PTPRC: variants seen among roughly 807,000 people sequenced by gnomAD.
PTPRC encodes the protein receptor-type tyrosine-protein phosphatase C.
A neutral mutation model predicts 155.9 loss-of-function variants in PTPRC; 44 were observed. The ratio of observed to expected loss-of-function variants is 0.28; its 90% confidence interval spans 0.22 to 0.36. PTPRC has a LOEUF of 0.36. PTPRC is among the 10% of genes least tolerant of loss of function. PTPRC has a pLI of 1.00. For missense variants in PTPRC, 1,401 were observed against 1,564.6 expected (o/e 0.90, Z 1.76); for synonymous variants, 525 against 533.1 (o/e 0.98, Z 0.21).
At position 198,749,493 on chromosome 1, in the gene PTPRC, G is replaced by A; in HGVS notation, c.3016G>A (p.Asp1006Asn). ...ESEHDSDESS[D>N]DDSDSEEPSK... ...TGAGCATGATTCAGATGAATCCTCTGATGATGACAGTGATTCAGAGGAACC... is the reference window on the plus strand; with the variant it reads ...TGAGCATGATTCAGATGAATCCTCTAATGATGACAGTGATTCAGAGGAACC... The change falls in exon 28 of 33, where the codon GAT becomes AAT. Residue 1006 changes from aspartate (D) to asparagine (N), a missense_variant. Asp to Asn is a conservative substitution (Grantham distance 23). Around this residue, in one of 3 missense-constraint regions of PTPRC, gnomAD observed 400 missense variants for 389.5 expected, o/e 1.03. Coordinates refer to ENST00000442510, the MANE Select transcript of PTPRC (RefSeq NM_002838.5). 1 of 1,610,558 alleles carries A rather than the reference G, an allele frequency of 6.2e-7. No homozygotes were observed. The highest frequency in any genetic ancestry group is 1.3e-5 in the African/African-American group (1 of 74,844).
chr1:198,731,613 C>G lies in PTPRC; in HGVS notation c.1865-4C>G. ...CTAGTATTGAATCTTTAATATGTTTCCAGATGATGAAAAACAACTGATGAA... is the reference window on the plus strand; with the variant it reads ...CTAGTATTGAATCTTTAATATGTTTGCAGATGATGAAAAACAACTGATGAA... On this transcript the variant is annotated splice_polypyrimidine_tract_variant and splice_region_variant and intron_variant, in intron 17 of 32. Coordinates refer to ENST00000442510, the MANE Select transcript of PTPRC (RefSeq NM_002838.5). The G allele has an allele frequency of 6.3e-7, 1 of 1,592,150 alleles. No individual in the cohort carries two copies. Among genetic ancestry groups the G allele is most frequent in the Non-Finnish European group, 8.6e-7 (1 of 1,160,800 alleles).
At chr1:198,742,067 A>AAAC (rs1558034487) in intron 24 of PTPRC, 41 bp downstream of exon 24, 2 of 1,607,720 alleles carry the variant, frequency 1.2e-6, no homozygotes, top group African/African-American at 1.3e-5. Context: ...CAACAAAAAA[A>AAAC]CTCCAACAGA....
At chr1:198,736,281 T>C (rs1224149576) in intron 23 of PTPRC, among the ~76,000 whole-genome samples, 1 of 151,648 alleles carries the variant, frequency 6.6e-6, no homozygotes, top group Non-Finnish European at 1.5e-5. Flanking sequence ...CAAGGTCTTA[T>C]TCATTTTATC....
At chr1:198,712,911 T>A (rs1008776351) in intron 11 of PTPRC, 42 bp from the exon 12 acceptor site, 1 of 1,571,142 alleles carries the variant, frequency 6.4e-7, no homozygotes, top group Admixed American at 1.7e-5. Flanking sequence ...TTTATCCATG[T>A]CTTATTTTTC....
chr1:198,734,863 A>G (rs1329575898), intron 22 of PTPRC, among the ~76,000 whole-genome samples: 2 of 151,658 alleles, frequency 1.3e-5, no homozygotes, highest in Non-Finnish European at 1.5e-5. Context: ...TTTGCTGACA[A>G]CTGATTATGT....
chr1:198,732,377 T>G lies in PTPRC; in HGVS notation c.2052T>G (p.Val684=), dbSNP rs745973005. ...KPFNQNKNRY[V]DILPYDYNRV... ...TTAACCAGAATAAAAACCGTTATGT[T>G]GACATTCTTCCTTGTGAGTATTTAT... Residue 684 remains valine, a synonymous_variant, in exon 19 of 33, where the codon GTT becomes GTG. Transcript: ENST00000442510. 1 of 1,611,748 alleles carries G rather than the reference T, an allele frequency of 6.2e-7. No individual in the cohort carries two copies. The highest frequency in any genetic ancestry group is 8.5e-7 in the Non-Finnish European group (1 of 1,178,262).
chr1:198,700,676 G>T (rs1666416388), intron 5 of PTPRC, among the ~76,000 whole-genome samples: 1 of 152,096 alleles, frequency 6.6e-6, no homozygotes, highest in African/African-American at 2.4e-5. Context: ...CAACAAAAGG[G>T]GACTGACCCC....
chr1:198,640,727 T>A (rs1662531071), intron 2 of PTPRC, among the ~76,000 whole-genome samples: 1 of 152,040 alleles, frequency 6.6e-6, no homozygotes, highest in African/African-American at 2.4e-5. Context: ...AAAAGCATTT[T>A]TAAATGAGCA....
At position 198,756,803 on chromosome 1, in the gene PTPRC, AT is replaced by A. The variant is rs1486757042; in HGVS notation, c.*623del. ...AACATTGGGAAATCTTATATTCCAT[AT>A]ATTAGCATTTAGTCCAATGTCTTTT... On this transcript the variant is annotated 3_prime_UTR_variant, in exon 33 of 33. Coordinates refer to ENST00000442510, the MANE Select transcript of PTPRC (RefSeq NM_002838.5). 2 of 152,042 alleles carry A rather than the reference AT, an allele frequency of 1.3e-5. No individual in the cohort carries two copies. Among genetic ancestry groups the A allele is most frequent in the African/African-American group, 4.8e-5 (2 of 41,444 alleles). The allele number at this position is 152,042 out of a possible 1,614,324, so 9.4% of individuals were successfully genotyped here. A position where few individuals can be genotyped will look rare whatever the true frequency, so the allele number is the denominator to read the frequency against.
chr1:198,753,036 T>C (rs958518084), intron 31 of PTPRC, among the ~76,000 whole-genome samples: 6 of 152,032 alleles, frequency 3.9e-5, no homozygotes, highest in African/African-American at 1.4e-4. Context: ...GTAGCTAACA[T>C]TGAGCCAGGA....
At chr1:198,693,901 C>G in intron 3 of PTPRC, 1 of 1,247,280 alleles carries the variant, frequency 8.0e-7, no homozygotes, top group Admixed American at 3.4e-5. Context: ...ATCAAAATAG[C>G]GTGGTACTAT....
Position 198,735,374 on chromosome 1 carries a change from G to A in PTPRC, c.2403+122G>A, listed in dbSNP as rs570983257. 7.6e-5 allele frequency: 72 copies of A among 942,746 alleles called. No individual in the cohort carries two copies. The African/African-American group carries it at 1.1e-3, about 15-fold the overall frequency. The allele number at this position is 942,746 out of a possible 1,614,324, so 58.4% of individuals were successfully genotyped here. ...AATTATTTTTGATAACCTTTAGGAT[G>A]AAAGCTGTGGTTAGAACAATGACAA... On this transcript the variant is annotated intron_variant, in intron 23 of 32. Coordinates refer to ENST00000442510, the MANE Select transcript of PTPRC (RefSeq NM_002838.5).
At chr1:198,662,066 C>G (rs114863523) in intron 2 of PTPRC, among the ~76,000 whole-genome samples, 1,566 of 152,200 alleles carry the variant, frequency 0.01, 25 homozygotes, top group African/African-American at 0.036. Flanking sequence ...ACTGGTCAGC[C>G]AGTTTTTATA....
chr1:198,742,082 AC>A, intron 24 of PTPRC, 56 bp downstream of exon 24: 1 of 1,605,214 alleles, frequency 6.2e-7, no homozygotes, highest in Non-Finnish European at 8.5e-7. Context: ...AACAGAATCC[AC>A]CTGCCTAGGG....
At chr1:198,724,719 C>T (rs751600401) in intron 15 of PTPRC, among the ~76,000 whole-genome samples, 1 of 150,678 alleles carries the variant, frequency 6.6e-6, no homozygotes, top group Non-Finnish European at 1.5e-5. Context: ...TGGTCTGTTC[C>T]CAAGTTTTCC....
At chr1:198,703,194 G>C (rs937549953) in intron 6 of PTPRC, 104 bp from the exon 7 acceptor site, 212 of 1,527,944 alleles carry the variant, frequency 1.4e-4, no homozygotes, top group Non-Finnish European at 1.8e-4. Context: ...AGGACTCCTA[G>C]AGCAAAGATG....
intron 14 of PTPRC, among the ~76,000 whole-genome samples, chr1:198,720,828 C>T (rs1236917239): frequency 6.6e-6 from 1 of 152,026 alleles, no homozygotes; most frequent in African/African-American, 2.4e-5. Flanking sequence ...GAAATATTTT[C>T]TTATTGTCAC....
intron 27 of PTPRC, among the ~76,000 whole-genome samples, chr1:198,749,051 T>C (rs986099265): frequency 1.3e-5 from 2 of 151,620 alleles, no homozygotes; most frequent in African/African-American, 4.8e-5. Context: ...TGGAGTATAA[T>C]TGAGGGAAAA....
chr1:198,731,539 C>T (rs773731150), intron 17 of PTPRC, 78 bp from the exon 18 acceptor site: 106 of 1,023,164 alleles, frequency 1.0e-4, no homozygotes, highest in Non-Finnish European at 9.9e-5. Context: ...ATTGAGTACA[C>T]GGTGTAAATT....
Sources: allele counts gnomAD v4.1 joint callset (sites outside exome capture counted in the v4.1 genomes callset), GRCh38; gene constraint gnomAD v4.1.1; regional missense constraint gnomAD v4.1.1; transcripts MANE v1.5; gene names NCBI Gene and HGNC (gene_info 2026-07-23, HGNC 2026-07-21).